TM9SF4: variants seen among roughly 807,000 people sequenced by gnomAD.
TM9SF4 encodes dinucleotide oxidase disulfide thiol exchanger 3 superfamily member 4.
In TM9SF4, 26 loss-of-function variants were observed where a neutral mutation model predicts 90.4. The observed-to-expected ratio is 0.29, with a 90% confidence interval of 0.21 to 0.40. TM9SF4 has a LOEUF of 0.40. Ranked by LOEUF, TM9SF4 falls within the 10% of genes least tolerant of loss-of-function variation. The pLI, the probability that TM9SF4 is intolerant of heterozygous loss-of-function variation, is 1.00. For synonymous variants in TM9SF4, 293 were observed against 315.4 expected, an observed-to-expected ratio of 0.93 and a Z score of 0.75; for missense variants, 549 against 834.8, an observed-to-expected ratio of 0.66 and a Z score of 4.22.
At chr20:32,146,980 TAC>T in intron 9 of TM9SF4, 125 bp downstream of exon 9, 3 of 877,912 alleles carry the variant, frequency 3.4e-6, no homozygotes, top group Non-Finnish European at 5.0e-6. Flanking sequence ...CAGTTTAGTA[TAC>T]TTTTTTTTTT....
At chr20:32,135,297 A>C (rs2046578803) in intron 2 of TM9SF4, among the ~76,000 whole-genome samples, 1 of 152,134 alleles carries the variant, frequency 6.6e-6, no homozygotes, top group Non-Finnish European at 1.5e-5. Flanking sequence ...TTTGAGTTGA[A>C]GTTATTTTTC....
chr20:32,152,597 ATTCT>A (rs1302136565), intron 12 of TM9SF4, among the ~76,000 whole-genome samples: 9 of 152,152 alleles, frequency 5.9e-5, no homozygotes, highest in African/African-American at 2.2e-4. Context: ...TCCCTACAAG[ATTCT>A]GACCCTTCCC....
chr20:32,122,841 G>C (rs1039806759), intron 1 of TM9SF4, among the ~76,000 whole-genome samples: 2 of 151,990 alleles, frequency 1.3e-5, no homozygotes, highest in African/African-American at 2.4e-5. Context: ...AGGTTGTAGC[G>C]AGCCGAGATC....
chr20:32,124,059 T>C (rs1225847340), intron 1 of TM9SF4, among the ~76,000 whole-genome samples: 1 of 151,496 alleles, frequency 6.6e-6, no homozygotes, highest in Non-Finnish European at 1.5e-5. Flanking sequence ...AGACAAGGTC[T>C]CACTATTTTG....
chr20:32,135,121 C>T (rs17266770), intron 2 of TM9SF4, among the ~76,000 whole-genome samples: 16,720 of 152,122 alleles, frequency 0.11, 1,161 homozygotes, highest in East Asian at 0.18. Flanking sequence ...TGTAACATTT[C>T]GATGGGTTCT....
At chr20:32,125,110 C>T (rs1424936685) in intron 1 of TM9SF4, among the ~76,000 whole-genome samples, 1 of 152,150 alleles carries the variant, frequency 6.6e-6, no homozygotes, top group Non-Finnish European at 1.5e-5. Flanking sequence ...ACTCAGCTCA[C>T]GGTGACGGTT....
intron 12 of TM9SF4, among the ~76,000 whole-genome samples, chr20:32,152,028 AT>A (rs764612840): frequency 2.5e-3 from 342 of 139,394 alleles, no homozygotes; most frequent in Middle Eastern, 7.4e-3. Flanking sequence ...CACCTGGCTA[AT>A]TTTTTTTTTT....
chr20:32,159,704 G>A (rs1483312506), intron 15 of TM9SF4: 3 of 441,868 alleles, frequency 6.8e-6, no homozygotes, highest in Non-Finnish European at 1.2e-5. Flanking sequence ...CTCAAGTGGT[G>A]GTGGCTGCTC....
chr20:32,121,047 A>G (rs2046297859), intron 1 of TM9SF4, among the ~76,000 whole-genome samples: 1 of 152,128 alleles, frequency 6.6e-6, no homozygotes, highest in Non-Finnish European at 1.5e-5. Flanking sequence ...TCATCTGTTC[A>G]TCATCATCAT....
At position 32,133,037 on chromosome 20, in the gene TM9SF4, C is replaced by G. The variant is rs768633798; in HGVS notation, c.40C>G (p.Leu14Val). Residue 14 changes from leucine (L) to valine (V), a missense_variant, in exon 2 of 18, where the codon CTT becomes GTT. By Grantham distance (32) the Leu-to-Val change is conservative. Around this residue, in one of 2 missense-constraint regions of TM9SF4, gnomAD observed 495 missense variants for 711.7 expected, o/e 0.70. Coordinates refer to ENST00000398022, the MANE Select transcript of TM9SF4 (RefSeq NM_014742.4). ...AMDWLPWSLL[L>V]FSLMCETSAF... ...GGATTGGTTGCCGTGGTCTTTACTG[C>G]TTTTCTCCCTGATGTGTGAAACAAG... 1 of 1,614,160 alleles carries G rather than the reference C, an allele frequency of 6.2e-7. No individual in the cohort carries two copies. The highest frequency in any genetic ancestry group is 1.1e-5 in the South Asian group (1 of 91,084).
chr20:32,154,463 C>CT lies in TM9SF4; in HGVS notation c.1246-632dup, dbSNP rs1266773033. On this transcript the variant is annotated intron_variant, in intron 12 of 17. Transcript: ENST00000398022. ...TGGGTAGTTAACGTGTTCTTTTTTT[C>CT]TTTTTTTTGAGACGGAATCTCGCTC... Among the ~76,000 whole-genome samples, 12 of 150,128 alleles carry CT rather than the reference C, an allele frequency of 8.0e-5. No individual in the cohort carries two copies. In the East Asian group the frequency reaches 1.6e-3, roughly 20 times the overall value.
chr20:32,123,425 T>C (rs2046365171), intron 1 of TM9SF4, among the ~76,000 whole-genome samples: 2 of 151,682 alleles, frequency 1.3e-5, no homozygotes, highest in Non-Finnish European at 2.9e-5. Context: ...TATTTTGACC[T>C]ACAGTTTTTA....
chr20:32,141,647 A>G lies in TM9SF4; in HGVS notation c.380A>G (p.Glu127Gly), dbSNP rs750377055. The G allele has an allele frequency of 9.3e-6, 15 of 1,614,126 alleles. No individual in the cohort carries two copies. The East Asian group carries it at 3.3e-4, about 36-fold the overall frequency. ...CGACTCGTGGCCGAGCGGATCACAGAAGACTACTACGTCCACCTGTAAGTC... is the reference window on the plus strand; with the variant it reads ...CGACTCGTGGCCGAGCGGATCACAGGAGACTACTACGTCCACCTGTAAGTC... ...QSRLVAERIT[E>G]DYYVHLIADN... is the part of the protein sequence containing the mutation. The change falls in exon 4 of 18, where the codon GAA becomes GGA. Residue 127 changes from glutamate to glycine, a missense_variant. Coordinates refer to ENST00000398022, the MANE Select transcript of TM9SF4 (RefSeq NM_014742.4).
At chr20:32,146,604 C>T (rs966359739) in intron 8 of TM9SF4, among the ~76,000 whole-genome samples, 181 bp from the exon 9 acceptor site, 3 of 152,082 alleles carry the variant, frequency 2.0e-5, no homozygotes, top group Non-Finnish European at 4.4e-5. Flanking sequence ...CTCTCCTCCC[C>T]TGGTAGCTGG....
At position 32,109,758 on chromosome 20, in the gene TM9SF4, G is replaced by A. The variant is rs2046111025; in HGVS notation, c.15+3G>A. The A allele has an allele frequency of 6.4e-7, 1 of 1,551,658 alleles. No homozygotes were observed. Among genetic ancestry groups the A allele is most frequent in the Non-Finnish European group, 8.7e-7 (1 of 1,146,980 alleles). ...GATCCAAGATGGCGACGGCGATGGT[G>A]AGTGAAGGAGACTCCGGGAGCGGGA... On this transcript the variant is annotated splice_donor_region_variant and intron_variant, in intron 1 of 17. Coordinates refer to ENST00000398022, the MANE Select transcript of TM9SF4 (RefSeq NM_014742.4).
chr20:32,164,902 G>T (rs551697048), intron 17 of TM9SF4, among the ~76,000 whole-genome samples: 88 of 152,130 alleles, frequency 5.8e-4, no homozygotes, highest in Non-Finnish European at 1.1e-3. Flanking sequence ...AGGCTGAGGC[G>T]GGCTGATGGG....
rs376284895 is a variant in TM9SF4 at position 32,137,314 on chromosome 20, G to T, written c.229+1141G>T. Among the ~76,000 whole-genome samples, 230 of 152,290 alleles carry T rather than the reference G, an allele frequency of 1.5e-3. 2 individuals are homozygous for T. The South Asian group carries it at 0.023, about 15-fold the overall frequency. ...TGGTGCCCCAGGGTCCTGATATCAG[G>T]CCCCTCACAAATGTACCTCCCTTCT... is the stretch of plus-strand genomic sequence containing the variant. On this transcript the variant is annotated intron_variant, in intron 3 of 17. Transcript: ENST00000398022.
intron 3 of TM9SF4, among the ~76,000 whole-genome samples, chr20:32,141,022 C>T (rs1271086494): frequency 6.6e-6 from 1 of 151,746 alleles, no homozygotes; most frequent in Non-Finnish European, 1.5e-5. Context: ...TCGAGACCAT[C>T]CTGGCTAACA....
At chr20:32,147,553 TA>T (rs1017548242) in intron 9 of TM9SF4, among the ~76,000 whole-genome samples, 5 of 151,970 alleles carry the variant, frequency 3.3e-5, no homozygotes, top group Admixed American at 2.6e-4. Flanking sequence ...CTCTTTGTTT[TA>T]AAAAAAACTA....
Sources: allele counts gnomAD v4.1 joint callset (sites outside exome capture counted in the v4.1 genomes callset), GRCh38; gene constraint gnomAD v4.1.1; regional missense constraint gnomAD v4.1.1; transcripts MANE v1.5; gene names NCBI Gene and HGNC (gene_info 2026-07-23, HGNC 2026-07-21).